MATCAP2: variants seen among roughly 807,000 people sequenced by gnomAD.
The protein encoded by MATCAP2 is putative tyrosine carboxypeptidase MATCAP2.
At chr7:36,359,274 G>T in the MATCAP2 span, among the ~76,000 whole-genome samples, 1 of 152,314 alleles carries the variant, frequency 6.6e-6, no homozygotes, top group Admixed American at 6.5e-5. Context: ...CATCTAGCAG[G>T]TAAAGGCCAG....
chr7:36,367,271 A>G, the MATCAP2 span: 1 of 1,038,326 alleles, frequency 9.6e-7, no homozygotes, highest in Non-Finnish European at 1.2e-6. Flanking sequence ...GCTGCGCTTC[A>G]CGGAGCCTGC....
chr7:36,377,909 T>G, the MATCAP2 span, among the ~76,000 whole-genome samples: 3 of 152,240 alleles, frequency 2.0e-5, no homozygotes, highest in Admixed American at 6.5e-5. Flanking sequence ...TTGAAGCTTC[T>G]GCATGCATCA....
At chr7:36,375,226 G>A in the MATCAP2 span, among the ~76,000 whole-genome samples, 2 of 152,176 alleles carry the variant, frequency 1.3e-5, no homozygotes, top group East Asian at 3.9e-4. Flanking sequence ...TTTAATGATC[G>A]CCATTCTAAC....
At chr7:36,374,816 G>T in the MATCAP2 span, among the ~76,000 whole-genome samples, 2 of 152,142 alleles carry the variant, frequency 1.3e-5, no homozygotes, top group African/African-American at 4.8e-5. Flanking sequence ...GGGATAGTTT[G>T]CTCAGAATGA....
chr7:36,356,961 G>C, the MATCAP2 span: 1 of 1,614,206 alleles, frequency 6.2e-7, no homozygotes, highest in Non-Finnish European at 8.5e-7. Context: ...GGCAGAGCAG[G>C]ATTGGCATAC....
At chr7:36,347,288 T>C in the MATCAP2 span, among the ~76,000 whole-genome samples, 2 of 152,238 alleles carry the variant, frequency 1.3e-5, no homozygotes, top group Non-Finnish European at 2.9e-5. Context: ...TTTTGTTTAA[T>C]GACAAACTTT....
the MATCAP2 span, among the ~76,000 whole-genome samples, chr7:36,352,328 C>T: frequency 2.1e-5 from 3 of 140,004 alleles, no homozygotes; most frequent in Admixed American, 7.6e-5. Flanking sequence ...ACCCAGGCAG[C>T]GGAGGTTGCA....
At chr7:36,334,690 G>A in the MATCAP2 span, among the ~76,000 whole-genome samples, 1 of 152,068 alleles carries the variant, frequency 6.6e-6, no homozygotes, top group African/African-American at 2.4e-5. Flanking sequence ...AAGAGAGGAG[G>A]TATAACCTTT....
At chr7:36,366,422 T>C in the MATCAP2 span, among the ~76,000 whole-genome samples, 1 of 152,228 alleles carries the variant, frequency 6.6e-6, no homozygotes, top group East Asian at 1.9e-4. Context: ...GTATAATCCG[T>C]ACTGTAAAAT....
chr7:36,356,791 A>G, the MATCAP2 span: 1 of 940,622 alleles, frequency 1.1e-6, no homozygotes, highest in East Asian at 2.6e-5. Context: ...AATTAACCAT[A>G]ACATAGAAAT....
At chr7:36,366,077 T>TACTG in the MATCAP2 span, among the ~76,000 whole-genome samples, 1 of 152,220 alleles carries the variant, frequency 6.6e-6, no homozygotes, top group Non-Finnish European at 1.5e-5. Context: ...GTCTGGTAGG[T>TACTG]ACTGCATTGC....
chr7:36,355,032 CT>C, the MATCAP2 span, among the ~76,000 whole-genome samples: 1 of 152,140 alleles, frequency 6.6e-6, no homozygotes, highest in East Asian at 1.9e-4. Flanking sequence ...TTAAGGAATA[CT>C]GGTAAATAAA....
chr7:36,366,840 C>A, the MATCAP2 span: 4 of 1,514,718 alleles, frequency 2.6e-6, no homozygotes, highest in Non-Finnish European at 3.5e-6. Flanking sequence ...CGGTGGCTAC[C>A]ATTACCTGAG....
the MATCAP2 span, chr7:36,367,076 C>A: frequency 7.9e-7 from 1 of 1,271,160 alleles, no homozygotes; most frequent in South Asian, 3.0e-5. Flanking sequence ...CTACCTGGAG[C>A]AGGATAAGGA....
chr7:36,366,894 G>T, the MATCAP2 span: 1 of 1,471,034 alleles, frequency 6.8e-7, no homozygotes, highest in Admixed American at 2.6e-5. Context: ...CCCCGCCGCG[G>T]CCAGCCCTTC....
chr7:36,360,314 A>C, the MATCAP2 span, among the ~76,000 whole-genome samples: 1 of 152,192 alleles, frequency 6.6e-6, no homozygotes, highest in Admixed American at 6.6e-5. Flanking sequence ...ATACTAAAAA[A>C]AAACGTCCTA....
the MATCAP2 span, chr7:36,390,180 G>A: frequency 3.4e-6 from 5 of 1,479,316 alleles, no homozygotes; most frequent in Admixed American, 2.0e-5. Context: ...TGTGCGGGCC[G>A]GGGTCGCCGC....
chr7:36,352,183 G>A, the MATCAP2 span, among the ~76,000 whole-genome samples: 1 of 151,430 alleles, frequency 6.6e-6, no homozygotes, highest in Non-Finnish European at 1.5e-5. Flanking sequence ...ATTACCTGAG[G>A]TCAGGAGTTC....
the MATCAP2 span, among the ~76,000 whole-genome samples, chr7:36,373,821 G>A: frequency 6.6e-6 from 1 of 152,156 alleles, no homozygotes; most frequent in African/African-American, 2.4e-5. Flanking sequence ...GTCTCGCTCT[G>A]TTGCCCAGGC....
Sources: gnomAD v4.1 joint callset for allele counts (sites outside exome capture counted in the v4.1 genomes callset) on GRCh38, gnomAD v4.1.1 for gene constraint, MANE v1.5 for transcripts, NCBI Gene and HGNC (gene_info 2026-07-23, HGNC 2026-07-21) for gene names.